Variants in TSC2 observed in about 807,000 individuals in gnomAD.
The protein encoded by TSC2 is tuberin.
A neutral mutation model predicts 202.2 loss-of-function variants in TSC2; 29 were observed. The observed-to-expected ratio is 0.14, with a 90% CI of 0.11 to 0.20. The LOEUF is 0.20. Ranked by LOEUF, TSC2 falls within the 10% of genes least tolerant of loss-of-function variation. TSC2 has a pLI of 1.00. For synonymous variants in TSC2, 1,349 were observed against 1,044.0 expected (o/e 1.29, Z -5.63); for missense variants, 2,429 against 2,420.0 (o/e 1.00, Z -0.08).
Position 2,079,584 on chromosome 16 carries a change from G to A in TSC2, c.3312G>A (p.Gln1104=). 6.2e-7 allele frequency: 1 copy of A among 1,611,674 alleles called. No individual in the cohort carries two copies. Among genetic ancestry groups the A allele is most frequent in the Non-Finnish European group, 8.5e-7 (1 of 1,179,552 alleles). The change falls in exon 29 of 42, where the codon CAG becomes CAA. Residue 1104 remains glutamine, a synonymous_variant. Coordinates refer to ENST00000219476, the MANE Select transcript of TSC2 (RefSeq NM_000548.5). This position sits in a 1 kb window ranked among gnomAD's most constrained non-coding sequence, Gnocchi z 4.6. The part of the protein sequence containing the change: ...SSSSPGVHVR[Q]TKEAPAKLES... ...CCAGCCCCGGGGTGCATGTGAGACA[G>A]ACCAAGGAGGCGCCGGCCAAGCTGG...
intron 11 of TSC2, chr16:2,061,448 G>T (rs2086628154): frequency 5.8e-6 from 2 of 343,184 alleles, no homozygotes; most frequent in African/African-American, 4.3e-5. Flanking sequence ...GTCATAGCCT[G>T]GGGCTTCTAA....
At position 2,089,445 on chromosome 16, in the gene TSC2, G is replaced by A. The variant is rs2151667270; in HGVS notation, c.*835G>A. 1.9e-6 allele frequency: 1 copy of A among 522,186 alleles called. No homozygotes were observed. The highest frequency in any genetic ancestry group is 3.5e-6 in the Non-Finnish European group (1 of 289,208). 32.3% of individuals were successfully genotyped at this position (522,186 alleles called of 1,614,324 possible). On this transcript the variant is annotated 3_prime_UTR_variant, in exon 42 of 42. Transcript: ENST00000219476. ...GGGGTGGGGCCGGGCACAGCCCGCT[G>A]TACCTGAGGACTCGGGGAAATAAAT... is the stretch of plus-strand genomic sequence containing the variant.
intron 11 of TSC2, chr16:2,061,354 C>T (rs558737929): frequency 2.0e-4 from 56 of 283,702 alleles, no homozygotes; most frequent in Middle Eastern, 1.3e-3. Flanking sequence ...GGGACTTCGC[C>T]GGGACTTAGC....
chr16:2,079,506 C>G lies in TSC2; in HGVS notation c.3285-51C>G. 6.2e-7 allele frequency: 1 copy of G among 1,606,576 alleles called. No individual in the cohort carries two copies. ...CGAGCCCAGGCCCACGTGGCACCCTCGTACCAGCCTGGGGACTAAGTCCAC... is the reference window on the plus strand; with the variant it reads ...CGAGCCCAGGCCCACGTGGCACCCTGGTACCAGCCTGGGGACTAAGTCCAC... On this transcript the variant is annotated intron_variant, in intron 28 of 41. Transcript: ENST00000219476. This position sits in a 1 kb window ranked among gnomAD's most constrained non-coding sequence, Gnocchi z 4.6.
rs1555497554 is a variant in TSC2, at chr16:2,054,310, G to A, written c.351G>A (p.Gly117=). 1.3e-5 allele frequency: 21 copies of A among 1,614,170 alleles called. No individual in the cohort carries two copies. The highest frequency in any genetic ancestry group is 1.7e-5 in the Non-Finnish European group (20 of 1,180,030). The change falls in exon 5 of 42, where the codon GGG becomes GGA. Residue 117 remains glycine (G), a synonymous_variant. Coordinates refer to ENST00000219476, the MANE Select transcript of TSC2 (RefSeq NM_000548.5). ...AIVQGQGERL[G]VLRALFFKVI... ...TTTGTCTTTAGGGCGAGCGTTTGGG[G>A]GTCCTCAGAGCCCTCTTCTTTAAGG...
chr16:2,067,078 TG>T (rs2087489966), intron 16 of TSC2, among the ~76,000 whole-genome samples: 2 of 152,156 alleles, frequency 1.3e-5, no homozygotes, highest in South Asian at 4.1e-4. Flanking sequence ...AGATGTTGGA[TG>T]GTAGAACAAT....
At position 2,084,295 on chromosome 16, in the gene TSC2, C is replaced by A. The variant is rs397515130; in HGVS notation, c.4073C>A (p.Pro1358His). The A allele has an allele frequency of 6.2e-7, 1 of 1,612,472 alleles. No homozygotes were observed. Among genetic ancestry groups the A allele is most frequent in the African/African-American group, 1.3e-5 (1 of 74,942 alleles). ...HAEELVGRGI[P>H]IERVVSSEGG... ...GAGGAGCTGGTTGGCAGGGGCATCC[C>A]CATCGAGCGAGTCGTCTCCTCGGAG... The change falls in exon 34 of 42, where the codon CCC (proline) becomes CAC (histidine). Residue 1358 changes from proline (P) to histidine (H), a missense_variant. Transcript: ENST00000219476.
Position 2,089,335 on chromosome 16 carries a change from G to A in TSC2, c.*725G>A, listed in dbSNP as rs887887822. On this transcript the variant is annotated 3_prime_UTR_variant, in exon 42 of 42. Transcript: ENST00000219476. Reference sequence around the variant, plus strand: ...AGGGAGTACGGTAGGAACTGGAGAGGTAATAACTTAGGGGCAGGGTGGCGG... The same window carrying A: ...AGGGAGTACGGTAGGAACTGGAGAGATAATAACTTAGGGGCAGGGTGGCGG... 7 of 321,854 alleles carry A rather than the reference G, an allele frequency of 2.2e-5. No individual in the cohort carries two copies. The highest frequency in any genetic ancestry group is 8.9e-5 in the South Asian group (2 of 22,440). 19.9% of individuals were successfully genotyped at this position (321,854 alleles called of 1,614,324 possible).
intron 32 of TSC2, chr16:2,082,870 GCCCTGGCCTTTGGTGGCTC>G (rs2090310150): frequency 2.4e-6 from 1 of 414,454 alleles, no homozygotes; most frequent in African/African-American, 2.0e-5. Flanking sequence ...AGCGGGCCTT[GCCCTGGCCTTTGGTGGCTC>G]CCCTGGCCTC....
At chr16:2,077,496 C>G in intron 25 of TSC2, 102 bp from the exon 26 acceptor site, 1 of 1,565,104 alleles carries the variant, frequency 6.4e-7, no homozygotes, top group African/African-American at 1.3e-5. Context: ...CATCCTGACC[C>G]TGTGGCCTGG....
chr16:2,081,529 CT>C lies in TSC2; in HGVS notation c.3611-65del, dbSNP rs1335887611. 9 of 1,607,104 alleles carry C rather than the reference CT, an allele frequency of 5.6e-6. No homozygotes were observed. In the Admixed American group the frequency reaches 1.3e-4, roughly 24 times the overall value. On this transcript the variant is annotated intron_variant, in intron 30 of 41. Transcript: ENST00000219476. ...AACCAGGGCCCAGGCCAGGAGGCCC[CT>C]GGGGGGCCAGAGATGGGTAAGGGGA...
At chr16:2,063,838 C>T (rs1193381774) in intron 14 of TSC2, 1 of 318,800 alleles carries the variant, frequency 3.1e-6, no homozygotes. Flanking sequence ...CTCACGCTGT[C>T]CTCAGCACAG....
At chr16:2,053,991 G>C (rs2085453200) in intron 4 of TSC2, 2 of 485,612 alleles carry the variant, frequency 4.1e-6, no homozygotes, top group Admixed American at 6.5e-5. Context: ...GCACAAGGCT[G>C]TCTGCCCTGC....
In TSC2 at chr16:2,081,693, G is replaced by A; in HGVS notation, c.3709G>A (p.Ala1237Thr). 6.2e-7 allele frequency: 1 copy of A among 1,612,968 alleles called. No individual in the cohort carries two copies. The change falls in exon 31 of 42, where the codon GCG becomes ACG. Residue 1237 changes from alanine (A) to threonine (T), a missense_variant. Transcript: ENST00000219476. ...PLQELSNALM[A>T]AERFKEHRDT... ...GCAGGAGCTGTCTAACGCCCTCATG[G>A]CGGCTGAGCGCTTCAAGGAGCACCG... is the stretch of plus-strand genomic sequence containing the variant.
At position 2,077,722 on chromosome 16, in the gene TSC2, C is replaced by T. The variant is rs763047420; in HGVS notation, c.2962C>T (p.Arg988Cys). Residue 988 changes from arginine to cysteine, a missense_variant, in exon 26 of 42, where the codon CGC becomes TGC. Physicochemically the swap from Arg to Cys is radical, Grantham distance 180 (BLOSUM62 -3). Transcript: ENST00000219476. ...CATCAGTGTGTCTGAACATGTGGTC[C>T]GCAGGTAGCGGGACTGTCGGGTGGG... ...RSISVSEHVV[R>C]SRIQTSLTSA... 5.6e-6 allele frequency: 9 copies of T among 1,612,626 alleles called. No homozygotes were observed. Among genetic ancestry groups the T allele is most frequent in the East Asian group, 2.2e-5 (1 of 44,874 alleles).
intron 15 of TSC2, chr16:2,065,270 G>A: frequency 6.4e-6 from 3 of 469,348 alleles, no homozygotes; most frequent in South Asian, 4.1e-5. Flanking sequence ...AAAATTAGCT[G>A]GGCGTGGTGG....
rs2091237603 is a variant in TSC2 at position 2,088,683 on chromosome 16, C to T, written c.*73C>T. The T allele has an allele frequency of 7.9e-6, 12 of 1,522,224 alleles. No homozygotes were observed. Among genetic ancestry groups the T allele is most frequent in the Middle Eastern group, 1.7e-4 (1 of 5,936 alleles). The allele number at this position is 1,522,224 out of a possible 1,614,324, so 94.3% of individuals were successfully genotyped here. ...AGTGAAATAAATAAAGTCCTGACCC[C>T]AGTGCACAGACATAGAGGCACAGAT... On this transcript the variant is annotated 3_prime_UTR_variant, in exon 42 of 42. Transcript: ENST00000219476.
In TSC2 at chr16:2,079,800, T is replaced by G. The variant is rs1298376619; in HGVS notation, c.3397+131T>G. Reference sequence around the variant, plus strand: ...CTTCAGGCCCGGCCCACGTCCTGACTCTGGGGTGAGCCTTCCACAGCTCAC... The same window carrying G: ...CTTCAGGCCCGGCCCACGTCCTGACGCTGGGGTGAGCCTTCCACAGCTCAC... On this transcript the variant is annotated intron_variant, in intron 29 of 41. Coordinates refer to ENST00000219476, the MANE Select transcript of TSC2 (RefSeq NM_000548.5). This position sits in a 1 kb window ranked among gnomAD's most constrained non-coding sequence, Gnocchi z 4.6. 1.1e-6 allele frequency: 1 copy of G among 899,920 alleles called. No individual in the cohort carries two copies. Among genetic ancestry groups the G allele is most frequent in the Non-Finnish European group, 1.6e-6 (1 of 606,114 alleles). 55.7% of individuals were successfully genotyped at this position (899,920 alleles called of 1,614,324 possible).
At chr16:2,068,391 C>T (rs1294888239) in intron 16 of TSC2, among the ~76,000 whole-genome samples, 1 of 152,146 alleles carries the variant, frequency 6.6e-6, no homozygotes, top group African/African-American at 2.4e-5. Flanking sequence ...GACTCTTGAA[C>T]AGTATGGGGC....
Sources: allele counts gnomAD v4.1 joint callset (sites outside exome capture counted in the v4.1 genomes callset), GRCh38; gene constraint gnomAD v4.1.1; non-coding constraint Gnocchi (gnomAD v3.1); transcripts MANE v1.5; gene names NCBI Gene and HGNC (gene_info 2026-07-23, HGNC 2026-07-21).